Variants in NTRK3 observed in about 807,000 individuals in gnomAD.
NTRK3 encodes NT-3 growth factor receptor.
In NTRK3, 24 loss-of-function variants were observed where a neutral mutation model predicts 91.7. The ratio of observed to expected loss-of-function variants is 0.26; its 90% CI spans 0.19 to 0.37. The LOEUF is 0.37. Among genes scored for constraint, NTRK3 ranks in the 10% least tolerant of loss-of-function variants. The probability of loss-of-function intolerance (pLI) is 1.00; values close to 1 mark genes in which losing one functional copy is unlikely to be tolerated. For missense variants in NTRK3, 880 were observed against 1,068.9 expected (o/e 0.82, Z 2.46); for synonymous variants, 483 against 404.0 (o/e 1.20, Z -2.34).
chr15:87,973,623 C>G (rs1051117038), intron 14 of NTRK3, among the ~76,000 whole-genome samples: 1 of 152,136 alleles, frequency 6.6e-6, no homozygotes, highest in South Asian at 2.1e-4. Context: ...TCGCCCACAT[C>G]AGCCAGCATT....
In NTRK3 at chr15:88,137,949, G is replaced by C. The variant is rs372261144; in HGVS notation, c.465-388C>G. Among the ~76,000 whole-genome samples, 29 of 152,218 alleles carry C rather than the reference G, an allele frequency of 1.9e-4. 1 individual carries two copies. The South Asian group carries it at 5.8e-3, about 30-fold the overall frequency. On this transcript the variant is annotated intron_variant, in intron 6 of 18. Coordinates refer to ENST00000394480, the Ensembl canonical transcript of NTRK3. The stretch of plus-strand genomic sequence containing the variant: ...GCCTGTAGTCCCAGCTACTCGGGAG[G>C]CTGAGGCAGGAGAATCGCTTGAACC...
At chr15:87,985,298 A>G (rs1372924883) in intron 14 of NTRK3, among the ~76,000 whole-genome samples, 2 of 152,208 alleles carry the variant, frequency 1.3e-5, no homozygotes, top group Non-Finnish European at 2.9e-5. Context: ...TGTCTTCCGC[A>G]TTGCCTGACA....
intron 13 of NTRK3, among the ~76,000 whole-genome samples, chr15:88,033,438 G>A (rs955630636): frequency 4.0e-5 from 6 of 151,480 alleles, no homozygotes; most frequent in Non-Finnish European, 7.4e-5. Flanking sequence ...AGCCTCTCGA[G>A]TAGCTGGGAT....
chr15:88,201,562 T>C (rs2048309629), intron 3 of NTRK3, among the ~76,000 whole-genome samples: 1 of 152,162 alleles, frequency 6.6e-6, no homozygotes, highest in Non-Finnish European at 1.5e-5. Context: ...ACCTCGTACA[T>C]GCTACAGGAG....
Position 88,143,657 on chromosome 15 carries a change from A to G in NTRK3, c.464+3678T>C, listed in dbSNP as rs964334800. 4.2e-4 allele frequency among the ~76,000 whole-genome samples: 64 copies of G among 152,316 alleles called. 1 individual carries two copies. Among genetic ancestry groups the G allele is most frequent in the African/African-American group, 1.4e-3 (57 of 41,576 alleles). The stretch of plus-strand genomic sequence containing the variant: ...TATATGTTAGCATGATTTGGGAACA[A>G]AAAGAAGCTATTAAGAGGCCAGAAA... On this transcript the variant is annotated intron_variant, in intron 6 of 18. Coordinates refer to ENST00000394480, the Ensembl canonical transcript of NTRK3.
At chr15:88,055,630 C>T (rs879315673) in intron 13 of NTRK3, among the ~76,000 whole-genome samples, 4 of 152,100 alleles carry the variant, frequency 2.6e-5, no homozygotes, top group Non-Finnish European at 5.9e-5. Context: ...AGGTGACAAG[C>T]CGCCCTTTCA....
rs569796363 is a variant in NTRK3, at chr15:88,139,925, G to C, written c.465-2364C>G. Among the ~76,000 whole-genome samples the C allele has an allele frequency of 4.0e-5, 6 of 150,790 alleles. No homozygotes were observed. The South Asian group carries it at 6.4e-4, about 16-fold the overall frequency. On this transcript the variant is annotated intron_variant, in intron 6 of 18. Coordinates refer to ENST00000394480, the Ensembl canonical transcript of NTRK3. Reference sequence around the variant, plus strand: ...GGCAAAGACCATGTTGGGGTGGGAGGGGGGGAGTGTGGGGGGTGGGGGTAA... The same window carrying C: ...GGCAAAGACCATGTTGGGGTGGGAGCGGGGGAGTGTGGGGGGTGGGGGTAA...
chr15:87,940,368 A>G (rs1476603921), intron 15 of NTRK3, among the ~76,000 whole-genome samples: 1 of 152,232 alleles, frequency 6.6e-6, no homozygotes, highest in Non-Finnish European at 1.5e-5. Context: ...CCACTAAAAA[A>G]GGACCAGGGT....
At chr15:87,957,246 G>GA (rs11401333) in intron 14 of NTRK3, among the ~76,000 whole-genome samples, 39,222 of 152,058 alleles carry the variant, frequency 0.26, 5,437 homozygotes, top group African/African-American at 0.38. Context: ...AAAACACTTA[G>GA]AAAAAATACC....
intron 3 of NTRK3, among the ~76,000 whole-genome samples, chr15:88,222,223 A>C (rs1863483): frequency 0.82 from 125,439 of 152,208 alleles, 52,396 homozygotes; most frequent in East Asian, 0.99. Flanking sequence ...CATACATGCA[A>C]CTATATATGA....
chr15:88,100,514 A>T (rs1236838355), intron 13 of NTRK3, among the ~76,000 whole-genome samples: 2 of 152,234 alleles, frequency 1.3e-5, no homozygotes, highest in Non-Finnish European at 2.9e-5. Context: ...AGCAAGCCTC[A>T]GCTAATTTAC....
At chr15:88,033,181 T>A (rs1352548386) in intron 13 of NTRK3, 136 bp from the exon 14 acceptor site, 3 of 77,766 alleles carry the variant, frequency 3.9e-5, no homozygotes, top group East Asian at 2.9e-4. Flanking sequence ...GTGTGTTATA[T>A]ATATATATAT....
intron 13 of NTRK3, chr15:88,099,067 A>G: frequency 4.3e-6 from 1 of 231,358 alleles, no homozygotes; most frequent in Non-Finnish European, 8.6e-6. Flanking sequence ...CCACCTGGAG[A>G]GCACAGGGCT....
intron 3 of NTRK3, among the ~76,000 whole-genome samples, chr15:88,236,168 A>G (rs1457210465): frequency 6.6e-6 from 1 of 152,250 alleles, no homozygotes; most frequent in African/African-American, 2.4e-5. Context: ...AGATTTATCC[A>G]TAATACTCCA....
chr15:88,133,944 C>A (rs766530572), intron 10 of NTRK3, among the ~76,000 whole-genome samples: 1 of 152,214 alleles, frequency 6.6e-6, no homozygotes, highest in Non-Finnish European at 1.5e-5. Context: ...GCCTCCAGTA[C>A]GAGTTCCCTT....
chr15:88,206,800 G>A (rs1489523042), intron 3 of NTRK3, among the ~76,000 whole-genome samples: 2 of 152,052 alleles, frequency 1.3e-5, no homozygotes, highest in East Asian at 1.9e-4. Context: ...CTCCCACCTC[G>A]GCCATAGCCC....
chr15:88,045,041 A>C (rs1173633697), intron 13 of NTRK3, among the ~76,000 whole-genome samples: 1 of 152,102 alleles, frequency 6.6e-6, no homozygotes, highest in East Asian at 1.9e-4. Context: ...AGGTGTTGGC[A>C]CCTGCCCATC....
intron 15 of NTRK3, among the ~76,000 whole-genome samples, chr15:87,933,397 T>C (rs1287224671): frequency 6.6e-6 from 1 of 152,242 alleles, no homozygotes; most frequent in Non-Finnish European, 1.5e-5. Flanking sequence ...AAACCCACTT[T>C]CTGACATCCA....
chr15:88,036,260 A>G (rs1408386309), intron 13 of NTRK3, among the ~76,000 whole-genome samples: 1 of 152,164 alleles, frequency 6.6e-6, no homozygotes, highest in African/African-American at 2.4e-5. Flanking sequence ...AGAGATAAAG[A>G]GAAGATGCTA....
Sources: allele counts gnomAD v4.1 joint callset (sites outside exome capture counted in the v4.1 genomes callset), GRCh38; gene constraint gnomAD v4.1.1; transcripts MANE v1.5; gene names NCBI Gene and HGNC (gene_info 2026-07-23, HGNC 2026-07-21).